MYH10: variants seen among roughly 807,000 people sequenced by gnomAD.
The protein encoded by MYH10 is myosin-10.
A neutral mutation model predicts 257.8 loss-of-function variants in MYH10; 55 were observed. The observed-to-expected ratio is 0.21, with a 90% CI of 0.17 to 0.27. The LOEUF (loss-of-function observed/expected upper bound fraction) is 0.27, where lower values mean the gene tolerates loss of function less well. MYH10 is among the 10% of genes least tolerant of loss of function. The probability of loss-of-function intolerance (pLI) is 1.00; values close to 1 mark genes in which losing one functional copy is unlikely to be tolerated. For missense variants in MYH10, 1,631 were observed against 2,500.6 expected, an observed-to-expected ratio of 0.65 and a Z score of 7.42; for synonymous variants, 854 against 921.7, an observed-to-expected ratio of 0.93 and a Z score of 1.33.
At chr17:8,510,279 T>C (rs2081221648) in intron 24 of MYH10, among the ~76,000 whole-genome samples, 1 of 152,146 alleles carries the variant, frequency 6.6e-6, no homozygotes, top group African/African-American at 2.4e-5. Context: ...CCTGACCTCA[T>C]GATCCATCCG....
chr17:8,604,822 T>C lies in MYH10; in HGVS notation c.502+4A>G. 1 of 1,483,604 alleles carries C rather than the reference T, an allele frequency of 6.7e-7. No individual in the cohort carries two copies. The highest frequency in any genetic ancestry group is 2.4e-5 in the East Asian group (1 of 41,290). The allele number at this position is 1,483,604 out of a possible 1,614,324, so 91.9% of individuals were successfully genotyped here. A position where few individuals can be genotyped will look rare whatever the true frequency, so the allele number is the denominator to read the frequency against. On this transcript the variant is annotated splice_donor_region_variant and intron_variant, in intron 3 of 42. Transcript: ENST00000360416. ...GCATTTAGTATTCAAATATTTCCAA[T>C]TACCTTGAAGCATGCATCTGTAAGC... is the stretch of plus-strand genomic sequence containing the variant.
In MYH10 at chr17:8,478,332, G is replaced by A. The variant is rs768829893; in HGVS notation, c.5706+6C>T. ...GCGCTTCCCAGGGAGGCACTTCCTC[G>A]CGTACCTGCTCTTTATACTGGTCCG... On this transcript the variant is annotated splice_donor_region_variant and intron_variant, in intron 41 of 42. Coordinates refer to ENST00000360416, the MANE Select transcript of MYH10 (RefSeq NM_001256012.3). 21 of 1,612,544 alleles carry A rather than the reference G, an allele frequency of 1.3e-5. No homozygotes were observed. Among genetic ancestry groups the A allele is most frequent in the Admixed American group, 1.0e-4 (6 of 59,960 alleles).
At chr17:8,592,959 ATATAT>A (rs1567953157) in intron 3 of MYH10, among the ~76,000 whole-genome samples, 4 of 121,396 alleles carry the variant, frequency 3.3e-5, no homozygotes, top group African/African-American at 1.1e-4. Context: ...ATATATATAT[ATATAT>A]ATATATAAAA....
At chr17:8,608,345 G>A (rs1197816226) in intron 2 of MYH10, among the ~76,000 whole-genome samples, 1 of 152,180 alleles carries the variant, frequency 6.6e-6, no homozygotes, top group Non-Finnish European at 1.5e-5. Flanking sequence ...TGACAGAAAA[G>A]GCAACACAAA....
Position 8,552,964 on chromosome 17 carries a change from T to C in MYH10, c.821-820A>G, listed in dbSNP as rs1408355538. On this transcript the variant is annotated intron_variant, in intron 8 of 42. Coordinates refer to ENST00000360416, the MANE Select transcript of MYH10 (RefSeq NM_001256012.3). The surrounding 1 kb of genome is among the most constrained non-coding windows in gnomAD (Gnocchi z 4.8). The stretch of plus-strand genomic sequence containing the variant: ...GTTCTTGATGCTCCCGGAGTTCCTA[T>C]GGGTTGACAGTCACACCGGCATCTC... Among the ~76,000 whole-genome samples, 1 of 152,188 alleles carries C rather than the reference T, an allele frequency of 6.6e-6. No homozygotes were observed. The highest frequency in any genetic ancestry group is 2.4e-5 in the African/African-American group (1 of 41,446).
chr17:8,526,133 A>G (rs951663015), intron 17 of MYH10, among the ~76,000 whole-genome samples: 17 of 152,346 alleles, frequency 1.1e-4, no homozygotes, highest in African/African-American at 4.1e-4. Flanking sequence ...GATTCCACCA[A>G]CAAAATCATC....
Position 8,495,259 on chromosome 17 carries a change from T to G in MYH10, c.3952-18A>C, listed in dbSNP as rs750333011. On this transcript the variant is annotated intron_variant, in intron 30 of 42. Coordinates refer to ENST00000360416, the MANE Select transcript of MYH10 (RefSeq NM_001256012.3). ...AGCTCATTCTGTAAGGAGCAGAAGA[T>G]TAAATTCAACTCAATAGTAAGCAAG... 6.0e-6 allele frequency: 9 copies of G among 1,502,000 alleles called. No individual in the cohort carries two copies. The highest frequency in any genetic ancestry group is 1.4e-5 in the African/African-American group (1 of 72,620). The allele number at this position is 1,502,000 out of a possible 1,614,324, so 93.0% of individuals were successfully genotyped here. A position where few individuals can be genotyped will look rare whatever the true frequency, so the allele number is the denominator to read the frequency against.
At chr17:8,533,982 C>A (rs1382361498) in intron 16 of MYH10, among the ~76,000 whole-genome samples, 1 of 152,204 alleles carries the variant, frequency 6.6e-6, no homozygotes, top group Non-Finnish European at 1.5e-5. Context: ...ATCCACATTT[C>A]CAACTCACCA....
At chr17:8,520,454 C>T (rs1008947173) in intron 19 of MYH10, among the ~76,000 whole-genome samples, 5 of 152,032 alleles carry the variant, frequency 3.3e-5, no homozygotes, top group Non-Finnish European at 7.4e-5. Flanking sequence ...CGAGATGGCT[C>T]CACTGTACTC....
intron 14 of MYH10, among the ~76,000 whole-genome samples, chr17:8,539,463 C>T (rs2082234201): frequency 6.6e-6 from 1 of 152,198 alleles, no homozygotes; most frequent in Admixed American, 6.5e-5. Context: ...GAGCTCACCA[C>T]TATGTTGTGT....
intron 7 of MYH10, chr17:8,561,231 T>C (rs1451904660): frequency 3.6e-6 from 3 of 823,054 alleles, no homozygotes; most frequent in East Asian, 4.8e-5. Flanking sequence ...GCCTCCAAGA[T>C]GACAAAGAAA....
In MYH10 at chr17:8,494,279, C is replaced by T. The variant is rs190963754; in HGVS notation, c.4057-394G>A. ...CCCTTCGAACTAGGATCACCTCTCCCGTCTTAGGCATCCCTCAGTTATCGT... is the reference window on the plus strand; with the variant it reads ...CCCTTCGAACTAGGATCACCTCTCCTGTCTTAGGCATCCCTCAGTTATCGT... On this transcript the variant is annotated intron_variant, in intron 31 of 42. Coordinates refer to ENST00000360416, the MANE Select transcript of MYH10 (RefSeq NM_001256012.3). Among the ~76,000 whole-genome samples the T allele has an allele frequency of 9.2e-5, 14 of 152,330 alleles. 1 individual carries two copies. The East Asian group carries it at 2.3e-3, about 25-fold the overall frequency.
At chr17:8,630,244 C>G (rs2085861519) in intron 1 of MYH10, among the ~76,000 whole-genome samples, 1 of 151,506 alleles carries the variant, frequency 6.6e-6, no homozygotes. Flanking sequence ...ACTAGCCCCT[C>G]GACCTCGCGC....
chr17:8,573,840 G>A (rs1186806797), intron 6 of MYH10: 1 of 975,300 alleles, frequency 1.0e-6, no homozygotes, highest in African/African-American at 1.8e-5. Flanking sequence ...AATTTAAAAG[G>A]TAAACATAAA....
intron 6 of MYH10, among the ~76,000 whole-genome samples, chr17:8,575,196 T>G (rs548909362): frequency 6.6e-6 from 1 of 152,156 alleles, no homozygotes; most frequent in South Asian, 2.1e-4. Context: ...TAGGTGGGGG[T>G]AGGCATGCTA....
chr17:8,541,934 A>T, intron 14 of MYH10, 173 bp downstream of exon 14: 1 of 597,604 alleles, frequency 1.7e-6, no homozygotes, highest in Non-Finnish European at 2.8e-6. Context: ...CTGGCATGCT[A>T]CTGACTTTTA....
chr17:8,606,235 C>T (rs943174007), intron 2 of MYH10, among the ~76,000 whole-genome samples: 1 of 152,112 alleles, frequency 6.6e-6, no homozygotes, highest in South Asian at 2.1e-4. Context: ...TTATGACTTG[C>T]GGGTTTTTTA....
At chr17:8,537,739 T>C (rs561736858) in intron 14 of MYH10, among the ~76,000 whole-genome samples, 1 of 152,348 alleles carries the variant, frequency 6.6e-6, no homozygotes, top group South Asian at 2.1e-4. Flanking sequence ...AAATAAAAAT[T>C]TGTATTTTTT....
At chr17:8,526,233 G>GA (rs776351660) in intron 17 of MYH10, among the ~76,000 whole-genome samples, 2 of 152,084 alleles carry the variant, frequency 1.3e-5, no homozygotes, top group Non-Finnish European at 1.5e-5. Flanking sequence ...ATCAAGACCC[G>GA]AAAAAACTCT....
Sources: gnomAD v4.1 joint callset for allele counts (sites outside exome capture counted in the v4.1 genomes callset) on GRCh38, gnomAD v4.1.1 for gene constraint, Gnocchi (gnomAD v3.1) non-coding constraint, MANE v1.5 for transcripts, NCBI Gene and HGNC (gene_info 2026-07-23, HGNC 2026-07-21) for gene names.